The following STK25 variants were observed in gnomAD, a reference collection of about 807,000 sequenced individuals.
STK25 encodes serine/threonine-protein kinase 25.
STK25 carries 29 observed loss-of-function variants against 53.8 expected under a neutral mutation model. The observed-to-expected ratio is 0.54, with a 90% CI of 0.40 to 0.74. The LOEUF (loss-of-function observed/expected upper bound fraction) is 0.74, where lower values mean the gene tolerates loss of function less well. STK25 is among the 30% of genes least tolerant of loss of function. The pLI, the probability that STK25 is intolerant of heterozygous loss-of-function variation, is 0.00. For synonymous variants in STK25, 247 were observed against 238.3 expected (o/e 1.04, Z -0.33); for missense variants, 420 against 568.0 (o/e 0.74, Z 2.65).
At chr2:241,495,782 G>A (rs2065114425) in intron 11 of STK25, 81 bp from the exon 12 acceptor site, 12 of 1,501,254 alleles carry the variant, frequency 8.0e-6, no homozygotes, top group East Asian at 2.3e-5. Flanking sequence ...TGCAGTCTGC[G>A]GTGGCAGCCC....
rs1480920261 is a variant in STK25 at position 241,508,090 on chromosome 2, CGGAGAGG to C, written c.-62_-56del. On this transcript the variant is annotated 5_prime_UTR_variant, in exon 2 of 12. Coordinates refer to ENST00000316586, the MANE Select transcript of STK25 (RefSeq NM_001271977.2). ...AGCCCCAGGAGGCGTCTGGATCCCG[CGGAGAGG>C]CGCGGAGCCGGCTAGCTCGCCCCTG... The C allele has an allele frequency of 2.4e-4, 372 of 1,558,406 alleles. 1 individual carries two copies. Among genetic ancestry groups the C allele is most frequent in the Non-Finnish European group, 3.0e-4 (347 of 1,153,626 alleles).
chr2:241,500,846 T>A (rs760043427), intron 3 of STK25, 50 bp from the exon 4 acceptor site: 1 of 1,593,768 alleles, frequency 6.3e-7, no homozygotes, highest in East Asian at 2.2e-5. Context: ...AGGAAGGGCA[T>A]GCTCCAGGGT....
chr2:241,503,925 C>A, intron 2 of STK25: 1 of 437,046 alleles, frequency 2.3e-6, no homozygotes. Flanking sequence ...CTGGCTGAAG[C>A]CAACTGGACA....
chr2:241,493,026 A>G lies in STK25; in HGVS notation c.*2636T>C. On this transcript the variant is annotated 3_prime_UTR_variant, in exon 12 of 12. Transcript: ENST00000316586. Reference sequence around the variant, plus strand: ...ACCAACTTCTGTTTGTTCTTCTACAAAACTCATCAGGTACTGGAGTTTCAC... The same window carrying G: ...ACCAACTTCTGTTTGTTCTTCTACAGAACTCATCAGGTACTGGAGTTTCAC... 1 of 1,587,148 alleles carries G rather than the reference A, an allele frequency of 6.3e-7. No homozygotes were observed. The highest frequency in any genetic ancestry group is 8.7e-7 in the Non-Finnish European group (1 of 1,155,544).
At chr2:241,508,402 TC>T in intron 1 of STK25, 40 bp downstream of exon 1, 1 of 643,260 alleles carries the variant, frequency 1.6e-6, no homozygotes, top group Non-Finnish European at 1.9e-6. Flanking sequence ...CTCTGCCCCC[TC>T]CCCAATCGCC....
At chr2:241,506,659 T>C (rs2065849654) in intron 2 of STK25, among the ~76,000 whole-genome samples, 2 of 152,118 alleles carry the variant, frequency 1.3e-5, no homozygotes, top group South Asian at 4.1e-4. Flanking sequence ...CCAAGCTACT[T>C]GGGAGGCCAA....
rs777278068 is a variant in STK25, at chr2:241,494,112, G to A, written c.*1550C>T. On this transcript the variant is annotated 3_prime_UTR_variant, in exon 12 of 12. Coordinates refer to ENST00000316586, the MANE Select transcript of STK25 (RefSeq NM_001271977.2). The surrounding 1 kb of genome is among the most constrained non-coding windows in gnomAD (Gnocchi z 4.9). Reference sequence around the variant, plus strand: ...TCAGGGCTGGAGGGGATGGTCAGGGGGAAGGAGGAATGACGCTCAACCTGC... The same window carrying A: ...TCAGGGCTGGAGGGGATGGTCAGGGAGAAGGAGGAATGACGCTCAACCTGC... 1 of 1,478,986 alleles carries A rather than the reference G, an allele frequency of 6.8e-7. No individual in the cohort carries two copies. Among genetic ancestry groups the A allele is most frequent in the South Asian group, 1.5e-5 (1 of 66,022 alleles). The allele number at this position is 1,478,986 out of a possible 1,614,324, so 91.6% of individuals were successfully genotyped here.
intron 2 of STK25, among the ~76,000 whole-genome samples, chr2:241,507,619 C>A (rs1352372465): frequency 1.7e-4 from 26 of 152,214 alleles, no homozygotes; most frequent in Admixed American, 1.6e-3. Flanking sequence ...GAATGACCCG[C>A]GGCCCAGGCC....
intron 1 of STK25, 81 bp from the exon 2 acceptor site, chr2:241,508,216 G>C (rs1384792621): frequency 1.5e-6 from 2 of 1,343,246 alleles, no homozygotes; most frequent in South Asian, 1.9e-5. Flanking sequence ...CCATGGGTGG[G>C]GGGGGGCCCA....
At position 241,498,284 on chromosome 2, in the gene STK25, C is replaced by T. The variant is rs1441292661; in HGVS notation, c.983G>A (p.Ser328Asn). 6.2e-7 allele frequency: 1 copy of T among 1,606,812 alleles called. No homozygotes were observed. The highest frequency in any genetic ancestry group is 8.5e-7 in the Non-Finnish European group (1 of 1,175,160). ...IWTFPPTIRP[S>N]PHSKLHKGTA... Reference sequence around the variant, plus strand: ...CCCCTTGTGAAGCTTGCTGTGTGGACTCGGCCGGATGGTAGGGGGGAACGT... The same window carrying T: ...CCCCTTGTGAAGCTTGCTGTGTGGATTCGGCCGGATGGTAGGGGGGAACGT... The change falls in exon 9 of 12, where the codon AGT (serine) becomes AAT (asparagine). Residue 328 changes from serine to asparagine, a missense_variant. Coordinates refer to ENST00000316586, the MANE Select transcript of STK25 (RefSeq NM_001271977.2).
rs1187982187 is a variant in STK25 at position 241,497,674 on chromosome 2, ACGGGCTC to A, written c.1039_1045del (p.Glu347SerfsTer56). The A allele has an allele frequency of 6.2e-7, 1 of 1,613,364 alleles. No individual in the cohort carries two copies. Among genetic ancestry groups the A allele is most frequent in the Non-Finnish European group, 8.5e-7 (1 of 1,179,970 alleles). On this transcript the variant is annotated frameshift_variant, in exon 10 of 12. Transcript: ENST00000316586. LOFTEE classifies it high-confidence loss of function. ...GCACTGGGACCTCGGCTGCCTCTTG[ACGGGCTC>A]CGCAGGCTGCAAAGGAGTGGAGGCC...
Position 241,502,862 on chromosome 2 carries a change from A to G in STK25, c.31-1154T>C, listed in dbSNP as rs190125765. On this transcript the variant is annotated intron_variant, in intron 2 of 11. Coordinates refer to ENST00000316586, the MANE Select transcript of STK25 (RefSeq NM_001271977.2). Reference sequence around the variant, plus strand: ...TAGAAAGGGCTTCCCTCACCCCTCCATAAGTCCTCCTGACAGCTACACCAG... The same window carrying G: ...TAGAAAGGGCTTCCCTCACCCCTCCGTAAGTCCTCCTGACAGCTACACCAG... 6.6e-4 allele frequency among the ~76,000 whole-genome samples: 101 copies of G among 152,292 alleles called. 2 individuals carry two copies. The East Asian group carries it at 0.017, about 26-fold the overall frequency.
At chr2:241,500,711 A>AC (rs757210257) in intron 4 of STK25, 29 bp downstream of exon 4, 10 of 1,610,632 alleles carry the variant, frequency 6.2e-6, no homozygotes, top group African/African-American at 2.7e-5. Context: ...ACACTGCATG[A>AC]CCCCCCACTG....
rs922867847 is a variant in STK25 at position 241,493,948 on chromosome 2, C to G, written c.*1714G>C. On this transcript the variant is annotated 3_prime_UTR_variant, in exon 12 of 12. Transcript: ENST00000316586. ...TGCTTGTCCCATATCCTGGGTTGTT[C>G]TTGGGACAGTGTCTGAGCACAAGAT... 4.7e-5 allele frequency: 52 copies of G among 1,107,716 alleles called. No individual in the cohort carries two copies. Among genetic ancestry groups the G allele is most frequent in the African/African-American group, 6.5e-5 (4 of 61,738 alleles). The allele number at this position is 1,107,716 out of a possible 1,614,324, so 68.6% of individuals were successfully genotyped here.
At position 241,501,842 on chromosome 2, in the gene STK25, C is replaced by T. The variant is rs1021192901; in HGVS notation, c.31-134G>A. ...TCCAAGGGAGCGCACCTCAATTCTT[C>T]TCTGGTTTCTTCCTTTCTCCCTTTT... On this transcript the variant is annotated intron_variant, in intron 2 of 11. Coordinates refer to ENST00000316586, the MANE Select transcript of STK25 (RefSeq NM_001271977.2). This position sits in a 1 kb window ranked among gnomAD's most constrained non-coding sequence, Gnocchi z 5.3. The T allele has an allele frequency of 6.3e-6, 4 of 636,974 alleles. No individual in the cohort carries two copies. Among genetic ancestry groups the T allele is most frequent in the East Asian group, 5.5e-5 (2 of 36,512 alleles). 39.5% of individuals were successfully genotyped at this position (636,974 alleles called of 1,614,324 possible).
At position 241,500,077 on chromosome 2, in the gene STK25, G is replaced by A. The variant is rs34185626; in HGVS notation, c.427+96C>T. The A allele has an allele frequency of 5.3e-5, 54 of 1,021,090 alleles. No homozygotes were observed. The African/African-American group carries it at 7.4e-4, about 14-fold the overall frequency. The allele number at this position is 1,021,090 out of a possible 1,614,324, so 63.3% of individuals were successfully genotyped here. ...CAAGGTTCTCTATACTCCAGACCCT[G>A]GGCACCACTAGCCACTTGCCCCTCA... On this transcript the variant is annotated intron_variant, in intron 5 of 11. Transcript: ENST00000316586.
Position 241,494,095 on chromosome 2 carries a change from G to T in STK25, c.*1567C>A. ...ATGGCCCCCAACCCTCCTCAGGGCT[G>T]GAGGGGATGGTCAGGGGGAAGGAGG... On this transcript the variant is annotated 3_prime_UTR_variant, in exon 12 of 12. Coordinates refer to ENST00000316586, the MANE Select transcript of STK25 (RefSeq NM_001271977.2). The surrounding 1 kb of genome is among the most constrained non-coding windows in gnomAD (Gnocchi z 4.9). The T allele has an allele frequency of 6.8e-7, 1 of 1,472,254 alleles. No individual in the cohort carries two copies. The highest frequency in any genetic ancestry group is 1.5e-5 in the South Asian group (1 of 64,606). The allele number at this position is 1,472,254 out of a possible 1,614,324, so 91.2% of individuals were successfully genotyped here. A position where few individuals can be genotyped will look rare whatever the true frequency, so the allele number is the denominator to read the frequency against.
intron 1 of STK25, 82 bp downstream of exon 1, chr2:241,508,361 C>T: frequency 3.5e-6 from 4 of 1,144,458 alleles, no homozygotes; most frequent in Non-Finnish European, 4.3e-6. Context: ...CCCCGGTGTC[C>T]CCGCCACCGA....
chr2:241,497,402 G>A lies in STK25; in HGVS notation c.1104+214C>T. 4 of 563,994 alleles carry A rather than the reference G, an allele frequency of 7.1e-6. 1 individual carries two copies. Among genetic ancestry groups the A allele is most frequent in the Middle Eastern group, 3.0e-4 (1 of 3,358 alleles). The allele number at this position is 563,994 out of a possible 1,614,324, so 34.9% of individuals were successfully genotyped here. ...ACCTGAAGAAAAAAAAGTCACCCTA[G>A]GAACCCAGAGAACCTTGGCAGGTCT... On this transcript the variant is annotated intron_variant, in intron 10 of 11. Transcript: ENST00000316586.
Sources: gnomAD v4.1 joint callset for allele counts (sites outside exome capture counted in the v4.1 genomes callset) on GRCh38, gnomAD v4.1.1 for gene constraint, Gnocchi (gnomAD v3.1) non-coding constraint, MANE v1.5 for transcripts, NCBI Gene and HGNC (gene_info 2026-07-23, HGNC 2026-07-21) for gene names.